Variants in PDE7B observed in about 807,000 individuals in gnomAD.
The protein encoded by PDE7B is phosphodiesterase 7B.
In PDE7B, 29 loss-of-function variants were observed where a neutral mutation model predicts 56.2. The observed-to-expected ratio is 0.52, with a 90% CI of 0.38 to 0.70. The LOEUF is 0.70. Ranked by LOEUF, PDE7B falls within the 30% of genes least tolerant of loss-of-function variation. The pLI, the probability that PDE7B is intolerant of heterozygous loss-of-function variation, is 0.00. For missense variants in PDE7B, 490 were observed against 565.0 expected (o/e 0.87, Z 1.35); for synonymous variants, 197 against 196.9 (o/e 1.00, Z 0.00).
intron 2 of PDE7B, among the ~76,000 whole-genome samples, chr6:135,961,883 G>A (rs1297938175): frequency 2.6e-5 from 4 of 152,148 alleles, no homozygotes; most frequent in African/African-American, 9.7e-5. Context: ...GAGGAACACA[G>A]AAGATGTGTA....
chr6:135,879,736 C>T lies in PDE7B; in HGVS notation c.21+27717C>T, dbSNP rs141826981. Reference sequence around the variant, plus strand: ...AACAGCCTAAGAATGATATGAAGACCAGACAAAACAATGTGGGATAGATCT... The same window carrying T: ...AACAGCCTAAGAATGATATGAAGACTAGACAAAACAATGTGGGATAGATCT... On this transcript the variant is annotated intron_variant, in intron 1 of 12. Transcript: ENST00000308191. Among the ~76,000 whole-genome samples the T allele has an allele frequency of 2.4e-3, 361 of 152,108 alleles. 1 individual carries two copies. The highest frequency in any genetic ancestry group is 8.4e-3 in the African/African-American group (347 of 41,496).
chr6:136,005,900 G>A (rs1330102557), intron 2 of PDE7B, among the ~76,000 whole-genome samples: 1 of 151,980 alleles, frequency 6.6e-6, no homozygotes, highest in African/African-American at 2.4e-5. Context: ...AAAGACACAT[G>A]CACGTGTATG....
chr6:136,070,440 T>G (rs771473223), intron 2 of PDE7B: 7 of 152,198 alleles, frequency 4.6e-5, no homozygotes, highest in Non-Finnish European at 1.0e-4. Flanking sequence ...GCCTATATTT[T>G]TCACATTTTA....
At chr6:136,054,042 A>T (rs1436513994) in intron 2 of PDE7B, among the ~76,000 whole-genome samples, 1 of 151,880 alleles carries the variant, frequency 6.6e-6, no homozygotes, top group African/African-American at 2.4e-5. Flanking sequence ...TTTGCTGTGC[A>T]GAAGCTCTTT....
chr6:136,121,796 A>C (rs1777937987), intron 3 of PDE7B, among the ~76,000 whole-genome samples: 1 of 152,192 alleles, frequency 6.6e-6, no homozygotes, highest in Non-Finnish European at 1.5e-5. Context: ...AGTGCATTCA[A>C]AAAAAGACCA....
At chr6:136,149,680 C>T (rs962992264) in intron 5 of PDE7B, among the ~76,000 whole-genome samples, 4 of 152,180 alleles carry the variant, frequency 2.6e-5, no homozygotes, top group Non-Finnish European at 2.9e-5. Flanking sequence ...ACTGGTGTCA[C>T]TTCTTAAGTT....
chr6:135,975,060 TAGAGCAGCAGCTGC>T (rs11268457), intron 2 of PDE7B, among the ~76,000 whole-genome samples: 12,801 of 151,670 alleles, frequency 0.084, 1,025 homozygotes, highest in African/African-American at 0.21. Flanking sequence ...TGCCCCCAAC[TAGAGCAGCAGCTGC>T]TGCTCTGCCA....
chr6:135,926,129 C>T (rs1010428170), intron 1 of PDE7B, among the ~76,000 whole-genome samples: 2 of 144,036 alleles, frequency 1.4e-5, no homozygotes, highest in Non-Finnish European at 3.0e-5. Flanking sequence ...CTCTGTCGCC[C>T]AGGCTGCAGT....
intron 1 of PDE7B, among the ~76,000 whole-genome samples, chr6:135,858,966 T>C (rs930427091): frequency 6.6e-6 from 1 of 152,020 alleles, no homozygotes; most frequent in Admixed American, 6.6e-5. Context: ...GTAGAAAACA[T>C]TATATTAAGA....
intron 1 of PDE7B, among the ~76,000 whole-genome samples, chr6:135,906,810 G>GTTT (rs869049424): frequency 0.095 from 5,638 of 59,582 alleles, 1,392 homozygotes; most frequent in East Asian, 0.19. Context: ...AATGAGGTTT[G>GTTT]TTTTTTTTTT....
intron 2 of PDE7B, among the ~76,000 whole-genome samples, chr6:136,024,573 G>T (rs1776121292): frequency 6.6e-6 from 1 of 152,108 alleles, no homozygotes; most frequent in Admixed American, 6.6e-5. Context: ...ACCAATGCCA[G>T]CTCCACAGAG....
intron 1 of PDE7B, among the ~76,000 whole-genome samples, chr6:135,874,039 A>G (rs936662322): frequency 6.6e-6 from 1 of 152,208 alleles, no homozygotes; most frequent in African/African-American, 2.4e-5. Flanking sequence ...AAGAGCAGAG[A>G]AAATGCTAGG....
intron 2 of PDE7B, among the ~76,000 whole-genome samples, chr6:135,955,608 A>G (rs778808245): frequency 1.3e-5 from 2 of 152,168 alleles, no homozygotes; most frequent in Non-Finnish European, 2.9e-5. Flanking sequence ...CAGAGGAGCT[A>G]CAAGGGGAGA....
At chr6:136,160,810 C>A (rs550006053) in intron 8 of PDE7B, among the ~76,000 whole-genome samples, 10 of 152,228 alleles carry the variant, frequency 6.6e-5, no homozygotes, top group South Asian at 6.2e-4. Context: ...TCCAGTTTCC[C>A]AAACATATCA....
rs754900327 is a variant in PDE7B, at chr6:136,149,088, A to G, written c.320A>G (p.His107Arg). 1.4e-5 allele frequency: 22 copies of G among 1,610,600 alleles called. No individual in the cohort carries two copies. In the Admixed American group the frequency reaches 3.5e-4, roughly 26 times the overall value. Residue 107 changes from histidine (H) to arginine (R), a missense_variant and splice_region_variant, in exon 5 of 13, where the codon CAT becomes CGT. Coordinates refer to ENST00000308191, the MANE Select transcript of PDE7B (RefSeq NM_018945.4). ...LDEDYLGQARHMLSKVGMWDF... is the reference protein window; with the variant it reads ...LDEDYLGQARRMLSKVGMWDF... ...GCTGTTTTTTGTTTGCCTTTTCAGC[A>G]TATGCTCTCCAAAGTGGGAATGTGG...
At chr6:135,891,694 T>TCCC (rs1422605555) in intron 1 of PDE7B, among the ~76,000 whole-genome samples, 1 of 152,174 alleles carries the variant, frequency 6.6e-6, no homozygotes, top group Non-Finnish European at 1.5e-5. Context: ...GGCATATGAA[T>TCCC]TTTGAAAAAG....
intron 8 of PDE7B, among the ~76,000 whole-genome samples, chr6:136,157,253 C>T (rs1157613967): frequency 6.6e-6 from 1 of 152,116 alleles, no homozygotes; most frequent in Non-Finnish European, 1.5e-5. Flanking sequence ...TCCTACAATG[C>T]TCCTATTGTA....
At chr6:135,954,739 C>T (rs949194856) in intron 2 of PDE7B, among the ~76,000 whole-genome samples, 11 of 152,190 alleles carry the variant, frequency 7.2e-5, no homozygotes, top group South Asian at 2.1e-4. Flanking sequence ...ATTTTTTCAC[C>T]TTGAGGGTTA....
chr6:135,971,111 A>G (rs1775086647), intron 2 of PDE7B, among the ~76,000 whole-genome samples: 1 of 152,146 alleles, frequency 6.6e-6, no homozygotes, highest in South Asian at 2.1e-4. Context: ...CCGTCTTTAC[A>G]GAGGTAATCA....
Sources: gnomAD v4.1 joint callset for allele counts (sites outside exome capture counted in the v4.1 genomes callset) on GRCh38, gnomAD v4.1.1 for gene constraint, MANE v1.5 for transcripts, NCBI Gene and HGNC (gene_info 2026-07-23, HGNC 2026-07-21) for gene names.